The following SIM1 variants were observed in gnomAD, a reference collection of about 807,000 sequenced individuals.
The protein encoded by SIM1 is SIM bHLH transcription factor 1, also known as single-minded homolog 1.
Under a neutral mutation model 78.2 loss-of-function variants are expected in SIM1, and 18 were observed. The observed-to-expected ratio is 0.23, with a 90% CI of 0.16 to 0.34. The LOEUF is 0.34. Ranked by LOEUF, SIM1 falls within the 10% of genes least tolerant of loss-of-function variation. The pLI, the probability that SIM1 is intolerant of heterozygous loss-of-function variation, is 1.00. For missense variants in SIM1, 939 were observed against 975.1 expected, an observed-to-expected ratio of 0.96 and a Z score of 0.49; for synonymous variants, 417 against 385.2, an observed-to-expected ratio of 1.08 and a Z score of -0.97.
chr6:100,444,799 A>T (rs184620228), intron 9 of SIM1, among the ~76,000 whole-genome samples: 48 of 152,318 alleles, frequency 3.2e-4, no homozygotes, highest in African/African-American at 1.1e-3. Context: ...TAGAAAATCA[A>T]CGAGCTTATG....
chr6:100,402,830 C>A (rs1394188347), intron 10 of SIM1, among the ~76,000 whole-genome samples: 1 of 152,096 alleles, frequency 6.6e-6, no homozygotes, highest in Non-Finnish European at 1.5e-5. Flanking sequence ...CCCGCCTCGG[C>A]CTCCCAAAGT....
chr6:100,448,049 CCTG>C, intron 8 of SIM1, 94 bp downstream of exon 8: 1 of 992,588 alleles, frequency 1.0e-6, no homozygotes, highest in South Asian at 1.6e-5. Flanking sequence ...TGGGCTCCCA[CCTG>C]TCCTCTTGCG....
chr6:100,430,280 A>C (rs1408271997), intron 9 of SIM1, among the ~76,000 whole-genome samples: 1 of 152,192 alleles, frequency 6.6e-6, no homozygotes, highest in African/African-American at 2.4e-5. Context: ...CTTCAGGTTG[A>C]AGTTGTACAT....
At chr6:100,446,439 C>T (rs545094881) in intron 9 of SIM1, among the ~76,000 whole-genome samples, 1 of 152,312 alleles carries the variant, frequency 6.6e-6, no homozygotes, top group South Asian at 2.1e-4. Context: ...CGCAACAGCA[C>T]ACACAAGAGT....
chr6:100,448,161 A>G lies in SIM1; in HGVS notation c.835T>C (p.Cys279Arg). ...GGCGCCTTACGCAAATGGTGCGCGCAGCGCAGGTGGAAGGTGTCGCAGCCG... is the reference window on the plus strand; with the variant it reads ...GGCGCCTTACGCAAATGGTGCGCGCGGCGCAGGTGGAAGGTGTCGCAGCCG... ...VHGCDTFHLR[C>R]AHHLLLVKGQ... Residue 279 changes from cysteine to arginine, a missense_variant, in exon 8 of 12, where the codon TGC (cysteine) becomes CGC (arginine). Physicochemically the swap from Cys to Arg is radical, Grantham distance 180. Around this residue, in one of 5 missense-constraint regions of SIM1, gnomAD observed 66 missense variants for 108.4 expected, o/e 0.61. Coordinates refer to ENST00000369208, the MANE Select transcript of SIM1 (RefSeq NM_005068.3). 1 of 1,613,096 alleles carries G rather than the reference A, an allele frequency of 6.2e-7. No individual in the cohort carries two copies. The highest frequency in any genetic ancestry group is 8.5e-7 in the Non-Finnish European group (1 of 1,179,578).
chr6:100,447,150 G>T, intron 9 of SIM1, 118 bp downstream of exon 9: 1 of 1,186,864 alleles, frequency 8.4e-7, no homozygotes, highest in Non-Finnish European at 1.2e-6. Flanking sequence ...GCACTCGAGG[G>T]TCAAAATGGC....
At chr6:100,447,478 A>G (rs1582316201) in intron 8 of SIM1, 63 bp from the exon 9 acceptor site, 1 of 1,593,336 alleles carries the variant, frequency 6.3e-7, no homozygotes, top group East Asian at 2.2e-5. Context: ...CCCCAAATGC[A>G]ATCCCTGGTG....
At position 100,394,220 on chromosome 6, in the gene SIM1, TG is replaced by T. The variant is rs375825030; in HGVS notation, c.1168-332del. ...CTTAGCTCCTGCAGTAAACCCTTAATGGCGCTATTAGTATCCCCAGTTTAGG... is the reference window on the plus strand; with the variant it reads ...CTTAGCTCCTGCAGTAAACCCTTAATGCGCTATTAGTATCCCCAGTTTAGG... On this transcript the variant is annotated intron_variant, in intron 10 of 11. Transcript: ENST00000369208. Among the ~76,000 whole-genome samples the T allele has an allele frequency of 3.4e-3, 511 of 152,300 alleles. 2 individuals are homozygous for T. The highest frequency in any genetic ancestry group is 0.012 in the African/African-American group (500 of 41,566).
chr6:100,414,799 C>T (rs1261774023), intron 10 of SIM1, among the ~76,000 whole-genome samples: 1 of 152,192 alleles, frequency 6.6e-6, no homozygotes, highest in Non-Finnish European at 1.5e-5. Flanking sequence ...AAGTCAGTCT[C>T]TCAGCATAGT....
At chr6:100,449,527 A>C in intron 5 of SIM1, 64 bp downstream of exon 5, 1 of 1,585,122 alleles carries the variant, frequency 6.3e-7, no homozygotes. Flanking sequence ...GCCACGACTA[A>C]TTGGGGAAAA....
Position 100,448,210 on chromosome 6 carries a change from C to G in SIM1, c.786G>C (p.Glu262Asp). Residue 262 changes from glutamate to aspartate, a missense_variant, in exon 8 of 12, where the codon GAG becomes GAC. Coordinates refer to ENST00000369208, the MANE Select transcript of SIM1 (RefSeq NM_005068.3). ...LTGYEPQDLI[E>D]KTLYHHVHGC... ...CGTGCACATGGTGGTACAGAGTCTTCTCAATCAGGTCCTGAGGTTCGTACC... is the reference window on the plus strand; with the variant it reads ...CGTGCACATGGTGGTACAGAGTCTTGTCAATCAGGTCCTGAGGTTCGTACC... The G allele has an allele frequency of 6.2e-7, 1 of 1,613,954 alleles. No homozygotes were observed. Among genetic ancestry groups the G allele is most frequent in the East Asian group, 2.2e-5 (1 of 44,878 alleles).
At chr6:100,464,088 C>G (rs1772926899) in intron 1 of SIM1, among the ~76,000 whole-genome samples, 153 bp from the exon 2 acceptor site, 1 of 152,152 alleles carries the variant, frequency 6.6e-6, no homozygotes, top group Non-Finnish European at 1.5e-5. Context: ...AAATCGGCAG[C>G]GAGACAGCCC....
At chr6:100,460,817 T>C (rs1772820013) in intron 2 of SIM1, among the ~76,000 whole-genome samples, 1 of 152,210 alleles carries the variant, frequency 6.6e-6, no homozygotes, top group Non-Finnish European at 1.5e-5. Context: ...GTTGTTGTTG[T>C]TGTTCTTTAA....
chr6:100,419,887 C>T (rs1390763146), intron 10 of SIM1, among the ~76,000 whole-genome samples: 1 of 152,140 alleles, frequency 6.6e-6, no homozygotes, highest in African/African-American at 2.4e-5. Flanking sequence ...AGTGATCCCC[C>T]ACCTCGACCT....
rs1160981902 is a variant in SIM1, at chr6:100,412,681, GAAAA to G, written c.1167+8105_1167+8108del. 6.1e-3 allele frequency among the ~76,000 whole-genome samples: 439 copies of G among 72,342 alleles called. 15 individuals are homozygous for G. The highest frequency in any genetic ancestry group is 0.022 in the African/African-American group (406 of 18,760). The allele number at this position is 72,342 out of a possible 152,430, so 47.5% of individuals were successfully genotyped here. A position where few individuals can be genotyped will look rare whatever the true frequency, so the allele number is the denominator to read the frequency against. ...AGAGAGAGAGAGAGAGAGAAAGAAA[GAAAA>G]AGAAAGAAAGAAAGAAAGAAAGAAA... is the stretch of plus-strand genomic sequence containing the variant. On this transcript the variant is annotated intron_variant, in intron 10 of 11. Coordinates refer to ENST00000369208, the MANE Select transcript of SIM1 (RefSeq NM_005068.3).
chr6:100,436,875 A>G (rs1327608828), intron 9 of SIM1, among the ~76,000 whole-genome samples: 1 of 151,526 alleles, frequency 6.6e-6, no homozygotes, highest in Non-Finnish European at 1.5e-5. Flanking sequence ...AGTAGCTAGG[A>G]CTACAGCCCG....
At chr6:100,427,488 A>G (rs776157070) in intron 9 of SIM1, among the ~76,000 whole-genome samples, 11 of 152,256 alleles carry the variant, frequency 7.2e-5, no homozygotes, top group Middle Eastern at 3.2e-3. Flanking sequence ...AGGGTAAGGA[A>G]TGGTTCAGAC....
Position 100,430,211 on chromosome 6 carries a change from A to G in SIM1, c.999-9253T>C, listed in dbSNP as rs1275335944. On this transcript the variant is annotated intron_variant, in intron 9 of 11. Coordinates refer to ENST00000369208, the MANE Select transcript of SIM1 (RefSeq NM_005068.3). Reference sequence around the variant, plus strand: ...CACATTTCTTGTTCTGAGGGACTTTATTATGCTCAGAAATTCATTCCATAT... The same window carrying G: ...CACATTTCTTGTTCTGAGGGACTTTGTTATGCTCAGAAATTCATTCCATAT... Among the ~76,000 whole-genome samples the G allele has an allele frequency of 5.3e-5, 8 of 152,228 alleles. No homozygotes were observed. The East Asian group carries it at 1.5e-3, about 29-fold the overall frequency.
At position 100,395,813 on chromosome 6, in the gene SIM1, A is replaced by G. The variant is rs569094193; in HGVS notation, c.1168-1924T>C. Among the ~76,000 whole-genome samples the G allele has an allele frequency of 1.7e-4, 26 of 152,268 alleles. 1 individual carries two copies. Among genetic ancestry groups the G allele is most frequent in the Admixed American group, 1.7e-3 (26 of 15,298 alleles). On this transcript the variant is annotated intron_variant, in intron 10 of 11. Transcript: ENST00000369208. The stretch of plus-strand genomic sequence containing the variant: ...AGGGCTGTTGGGGACAGAGAGATGA[A>G]CTACACAGGTTCCTCTGGGGAACCT...
Sources: gnomAD v4.1 joint callset for allele counts (sites outside exome capture counted in the v4.1 genomes callset) on GRCh38, gnomAD v4.1.1 for gene constraint, gnomAD v4.1.1 regional missense constraint, MANE v1.5 for transcripts, NCBI Gene and HGNC (gene_info 2026-07-23, HGNC 2026-07-21) for gene names.